The following ANK3 variants were observed in gnomAD, a reference collection of about 807,000 sequenced individuals.
The protein encoded by ANK3 is ankyrin-3.
A neutral mutation model predicts 370.9 loss-of-function variants in ANK3; 57 were observed. The observed-to-expected ratio is 0.15, with a 90% confidence interval of 0.12 to 0.19. The LOEUF is 0.19. ANK3 is among the 10% of genes least tolerant of loss of function. ANK3 has a pLI of 1.00. For missense variants in ANK3, 4,439 were observed against 5,302.1 expected, an observed-to-expected ratio of 0.84 and a Z score of 5.06; for synonymous variants, 1,929 against 1,946.3, an observed-to-expected ratio of 0.99 and a Z score of 0.23.
At chr10:60,462,602 A>G (rs568336920) in intron 2 of ANK3, among the ~76,000 whole-genome samples, 1 of 149,102 alleles carries the variant, frequency 6.7e-6, no homozygotes, top group African/African-American at 2.5e-5. Context: ...TTTTTTTTAA[A>G]GAGATGGGCA....
At chr10:60,125,173 A>T (rs1188284192) in intron 25 of ANK3, among the ~76,000 whole-genome samples, 1 of 152,124 alleles carries the variant, frequency 6.6e-6, no homozygotes, top group African/African-American at 2.4e-5. Flanking sequence ...CCCTTACGGT[A>T]TTTATTTTCT....
At chr10:60,181,227 A>T in intron 18 of ANK3, 102 bp downstream of exon 18, 1 of 1,018,696 alleles carries the variant, frequency 9.8e-7, no homozygotes, top group Non-Finnish European at 1.5e-6. Flanking sequence ...TAGAAAAGAG[A>T]TGATTAAAGG....
chr10:60,092,818 C>T (rs1437907589), intron 28 of ANK3, among the ~76,000 whole-genome samples: 1 of 152,244 alleles, frequency 6.6e-6, no homozygotes, highest in Non-Finnish European at 1.5e-5. Flanking sequence ...TCACTGCAAC[C>T]TCCGCCTCCT....
At chr10:60,674,143 T>C (rs2079096233) in intron 1 of ANK3, among the ~76,000 whole-genome samples, 1 of 152,206 alleles carries the variant, frequency 6.6e-6, no homozygotes, top group Non-Finnish European at 1.5e-5. Context: ...AAATATTGTG[T>C]CTTCATTCCA....
rs964299550 is a variant in ANK3 at position 60,722,449 on chromosome 10, A to T, written c.57+10814T>A. Among the ~76,000 whole-genome samples, 6 of 152,088 alleles carry T rather than the reference A, an allele frequency of 3.9e-5. No individual in the cohort carries two copies. The East Asian group carries it at 5.8e-4, about 15-fold the overall frequency. The stretch of plus-strand genomic sequence containing the variant: ...ACAAAATGAGATCTTGTCTCTAAAT[A>T]AAAAAATTAAAAATTAAAAAAAAAA... On this transcript the variant is annotated intron_variant, in intron 1 of 43. Coordinates refer to the ANK3 transcript ENST00000373827.
intron 1 of ANK3, among the ~76,000 whole-genome samples, chr10:60,732,106 G>T (rs918345961): frequency 6.6e-6 from 1 of 152,058 alleles, no homozygotes; most frequent in African/African-American, 2.4e-5. Flanking sequence ...TTTTCAAGAC[G>T]ATTCAAATGT....
chr10:60,178,426 T>C (rs866663710), intron 18 of ANK3, among the ~76,000 whole-genome samples: 81 of 152,212 alleles, frequency 5.3e-4, no homozygotes, highest in Non-Finnish European at 4.7e-4. Flanking sequence ...ATGCTAATTT[T>C]ACCAGCCTCA....
intron 2 of ANK3, among the ~76,000 whole-genome samples, chr10:60,445,602 C>T (rs190359849): frequency 1.3e-5 from 2 of 150,414 alleles, no homozygotes; most frequent in Non-Finnish European, 2.9e-5. Flanking sequence ...TATATTTGTA[C>T]AAGTCTCTCT....
intron 2 of ANK3, among the ~76,000 whole-genome samples, chr10:60,601,204 C>T (rs971765670): frequency 2.8e-5 from 4 of 144,236 alleles, no homozygotes; most frequent in Non-Finnish European, 6.2e-5. Flanking sequence ...CACATACCCG[C>T]ACACACACCC....
chr10:60,176,871 A>AT (rs1266538369), intron 18 of ANK3, among the ~76,000 whole-genome samples: 1 of 152,184 alleles, frequency 6.6e-6, no homozygotes, highest in Admixed American at 6.5e-5. Flanking sequence ...TTATAGACAT[A>AT]TTTTTATGTT....
At chr10:60,198,286 T>TA (rs2132409303) in intron 14 of ANK3, 54 bp downstream of exon 14, 1 of 1,578,042 alleles carries the variant, frequency 6.3e-7, no homozygotes, top group East Asian at 2.2e-5. Flanking sequence ...CGGGGAAACG[T>TA]AAGGAAGATG....
chr10:60,131,504 A>G (rs2094066580), intron 25 of ANK3, among the ~76,000 whole-genome samples: 1 of 152,146 alleles, frequency 6.6e-6, no homozygotes. Flanking sequence ...ATGTCCACAG[A>G]GGTATTTTTG....
intron 2 of ANK3, among the ~76,000 whole-genome samples, chr10:60,587,951 C>T (rs912984269): frequency 6.6e-6 from 1 of 151,912 alleles, no homozygotes; most frequent in Non-Finnish European, 1.5e-5. Context: ...TCAATGGCTG[C>T]TAAACCCATT....
chr10:60,619,001 T>C (rs2078300287), intron 1 of ANK3, among the ~76,000 whole-genome samples: 2 of 152,234 alleles, frequency 1.3e-5, no homozygotes, highest in East Asian at 3.9e-4. Context: ...GTTGACCCTA[T>C]AGTGGTTCCT....
At chr10:60,180,372 T>G (rs75513280) in intron 18 of ANK3, among the ~76,000 whole-genome samples, 2,077 of 135,136 alleles carry the variant, frequency 0.015, no homozygotes, top group Non-Finnish European at 0.016. Context: ...CCGAGGCATG[T>G]GGATCACAAG....
intron 1 of ANK3, among the ~76,000 whole-genome samples, chr10:60,728,971 A>G (rs1256087813): frequency 6.6e-6 from 1 of 152,172 alleles, no homozygotes; most frequent in East Asian, 1.9e-4. Context: ...ATGCAGTTGT[A>G]TTTTCAAGAT....
chr10:60,330,567 T>A (rs1019015602), intron 1 of ANK3, among the ~76,000 whole-genome samples: 11 of 152,006 alleles, frequency 7.2e-5, no homozygotes, highest in Non-Finnish European at 1.6e-4. Flanking sequence ...AAAACCACAA[T>A]GAGCTCTCAC....
intron 38 of ANK3, among the ~76,000 whole-genome samples, chr10:60,067,186 TA>T (rs2081822516): frequency 6.6e-6 from 1 of 152,234 alleles, no homozygotes; most frequent in African/African-American, 2.4e-5. Flanking sequence ...GTACTGGGAT[TA>T]CAGGCATGAA....
intron 1 of ANK3, among the ~76,000 whole-genome samples, chr10:60,723,256 G>C (rs2079890096): frequency 6.6e-6 from 1 of 152,118 alleles, no homozygotes; most frequent in African/African-American, 2.4e-5. Flanking sequence ...CTTGCACTCT[G>C]GACATTCTTT....
Sources: gnomAD v4.1 joint callset for allele counts (sites outside exome capture counted in the v4.1 genomes callset) on GRCh38, gnomAD v4.1.1 for gene constraint, MANE v1.5 for transcripts, NCBI Gene and HGNC (gene_info 2026-07-23, HGNC 2026-07-21) for gene names.